Variants in NRK observed in about 807,000 individuals in gnomAD.
NRK encodes nik-related protein kinase.
NRK carries 67 observed loss-of-function variants against 125.2 expected under a neutral mutation model. That is an observed-to-expected ratio of 0.54 (90% CI 0.44 to 0.66). The LOEUF (loss-of-function observed/expected upper bound fraction) is 0.66, where lower values mean the gene tolerates loss of function less well. Ranked by LOEUF, NRK falls within the 30% of genes least tolerant of loss-of-function variation. NRK has a pLI of 0.00. For missense variants in NRK, 1,224 were observed against 1,192.9 expected (o/e 1.03, Z -0.38); for synonymous variants, 458 against 429.0 (o/e 1.07, Z -0.84).
chrX:105,882,253 C>T (rs1267678784), intron 4 of NRK, among the ~76,000 whole-genome samples: 1 of 107,451 alleles, frequency 9.3e-6, no homozygotes, highest in African/African-American at 3.3e-5. Flanking sequence ...CACGTGCCCA[C>T]CCCCCCGCTT....
At chrX:105,823,391 AAATT>A (rs1829338538) in intron 1 of NRK, among the ~76,000 whole-genome samples, 1 of 111,911 alleles carries the variant, frequency 8.9e-6, no homozygotes, top group South Asian at 3.7e-4. Context: ...AGCGACTAGA[AAATT>A]AAGGCGTTTG....
chrX:105,867,537 G>T (rs1365657415), intron 2 of NRK, among the ~76,000 whole-genome samples: 2 of 111,768 alleles, frequency 1.8e-5, no homozygotes, highest in African/African-American at 6.5e-5. Context: ...CACATAAATG[G>T]TTAAAATAAT....
intron 2 of NRK, among the ~76,000 whole-genome samples, chrX:105,861,786 C>T (rs762440432): frequency 1.4e-3 from 155 of 111,877 alleles, no homozygotes; most frequent in African/African-American, 4.8e-3. Flanking sequence ...CAGCTGGGCA[C>T]GGTGGCTCAT....
Position 105,928,411 on chromosome X carries a change from A to G in NRK, c.3312+3380A>G, listed in dbSNP as rs899624454. Among the ~76,000 whole-genome samples the G allele has an allele frequency of 2.6e-4, 29 of 110,394 alleles. 1 individual carries two copies. In the East Asian group the frequency reaches 8.3e-3, roughly 32 times the overall value. On this transcript the variant is annotated intron_variant, in intron 19 of 28. Coordinates refer to ENST00000243300, the MANE Select transcript of NRK (RefSeq NM_198465.4). The stretch of plus-strand genomic sequence containing the variant: ...AGTTAATCTAGCTAACGGTTTGTCC[A>G]TTTTGTTTATCTTTTCAAAAAGCCA...
chrX:105,928,114 G>C (rs2040548217), intron 19 of NRK, among the ~76,000 whole-genome samples: 1 of 111,085 alleles, frequency 9.0e-6, no homozygotes, highest in African/African-American at 3.3e-5. Flanking sequence ...TGATGCCATA[G>C]GGTACTGGAC....
chrX:105,869,592 C>T (rs928908273), intron 2 of NRK, among the ~76,000 whole-genome samples: 1 of 111,577 alleles, frequency 9.0e-6, no homozygotes, highest in Non-Finnish European at 1.9e-5. Context: ...AGAGACAATT[C>T]AGTTTATAAA....
chrX:105,941,216 T>G (rs2040736409), intron 23 of NRK, among the ~76,000 whole-genome samples: 1 of 110,542 alleles, frequency 9.0e-6, no homozygotes, highest in Non-Finnish European at 1.9e-5. Flanking sequence ...TTGTGAGGGG[T>G]GGACTAGTTA....
At chrX:105,938,543 G>A (rs1360651229) in intron 22 of NRK, among the ~76,000 whole-genome samples, 1 of 110,864 alleles carries the variant, frequency 9.0e-6, no homozygotes, top group African/African-American at 3.3e-5. Flanking sequence ...AAAACATCTG[G>A]GTGGCTTATA....
intron 13 of NRK, among the ~76,000 whole-genome samples, chrX:105,910,320 ATTT>A (rs1207177222): frequency 8.9e-6 from 1 of 112,256 alleles, no homozygotes; most frequent in Non-Finnish European, 1.9e-5. Context: ...AAACTATACT[ATTT>A]GAGTGAATTA....
rs1288366462 is a variant in NRK, at chrX:105,822,740, C to T, written c.-106C>T. On this transcript the variant is annotated 5_prime_UTR_variant, in exon 1 of 29. Transcript: ENST00000243300. ...CCCCGATCCCCAGACTCCTCTCTCC[C>T]GCCCTCCTCCTTCCTCTCTCCTCCC... 4 of 764,743 alleles carry T rather than the reference C, an allele frequency of 5.2e-6. No homozygotes were observed. Among genetic ancestry groups the T allele is most frequent in the South Asian group, 4.5e-5 (2 of 44,602 alleles). 63.0% of individuals were successfully genotyped at this position (764,743 alleles called of 1,213,427 possible). A position where few individuals can be genotyped will look rare whatever the true frequency, so the allele number is the denominator to read the frequency against.
intron 26 of NRK, among the ~76,000 whole-genome samples, chrX:105,948,102 T>TA (rs1038185622): frequency 5.4e-5 from 6 of 111,477 alleles, no homozygotes; most frequent in African/African-American, 2.0e-4. Flanking sequence ...TTGCGTCAGA[T>TA]AGCTTTTATT....
intron 5 of NRK, among the ~76,000 whole-genome samples, chrX:105,892,159 T>C (rs1338189408): frequency 1.8e-5 from 2 of 111,906 alleles, no homozygotes; most frequent in Admixed American, 9.5e-5. Context: ...GCTTACAATC[T>C]ATTTGCAAAG....
chrX:105,917,112 T>C (rs2040375508), intron 15 of NRK, among the ~76,000 whole-genome samples: 1 of 111,267 alleles, frequency 9.0e-6, no homozygotes, highest in Admixed American at 9.6e-5. Flanking sequence ...TCTGTCAGTG[T>C]AGCTATCTAA....
Position 105,888,435 on chromosome X carries a change from C to T in NRK, c.378+16C>T. On this transcript the variant is annotated intron_variant, in intron 5 of 28. Transcript: ENST00000243300. ...CCAACTTTGGGTATGTTTTTAATTA[C>T]ACTGTTCTTATTCTATAAGAATAAG... 1.7e-6 allele frequency: 2 copies of T among 1,159,653 alleles called. No individual in the cohort carries two copies. Among genetic ancestry groups the T allele is most frequent in the Non-Finnish European group, 2.3e-6 (2 of 862,737 alleles).
intron 19 of NRK, 48 bp from the exon 20 acceptor site, chrX:105,934,210 C>G: frequency 1.2e-6 from 1 of 856,637 alleles, no homozygotes; most frequent in Non-Finnish European, 1.6e-6. Flanking sequence ...ATTTCTCCCA[C>G]TGTTAACCTA....
chrX:105,912,381 A>G (rs894057750), intron 13 of NRK, among the ~76,000 whole-genome samples: 8 of 110,951 alleles, frequency 7.2e-5, no homozygotes, highest in Non-Finnish European at 1.9e-5. Flanking sequence ...CAGAAAATAT[A>G]TGTAATAGGT....
At chrX:105,841,172 T>C (rs755636074) in intron 2 of NRK, among the ~76,000 whole-genome samples, 6 of 111,559 alleles carry the variant, frequency 5.4e-5, no homozygotes, top group Non-Finnish European at 9.4e-5. Flanking sequence ...TGGAGATTAA[T>C]GTGCTGCTGT....
intron 2 of NRK, among the ~76,000 whole-genome samples, chrX:105,870,855 T>C (rs1394923941): frequency 8.9e-6 from 1 of 111,860 alleles, no homozygotes; most frequent in Non-Finnish European, 1.9e-5. Flanking sequence ...CCCAGATTTC[T>C]GGAAGGGGAA....
intron 4 of NRK, among the ~76,000 whole-genome samples, chrX:105,882,651 C>A (rs1369284600): frequency 2.7e-5 from 3 of 110,805 alleles, no homozygotes; most frequent in African/African-American, 6.6e-5. Flanking sequence ...TAAAAATAAC[C>A]CTTTTACTAA....
Sources: allele counts gnomAD v4.1 joint callset (sites outside exome capture counted in the v4.1 genomes callset), GRCh38; gene constraint gnomAD v4.1.1; transcripts MANE v1.5; gene names NCBI Gene and HGNC (gene_info 2026-07-23, HGNC 2026-07-21).